SLC24A4: variants seen among roughly 807,000 people sequenced by gnomAD.
SLC24A4 encodes the protein solute carrier family 24 member 4.
Under a neutral mutation model 79.0 loss-of-function variants are expected in SLC24A4, and 53 were observed. The ratio of observed to expected loss-of-function variants is 0.67; its 90% CI spans 0.54 to 0.84. The LOEUF (loss-of-function observed/expected upper bound fraction) is 0.84, where lower values mean the gene tolerates loss of function less well. Among genes scored for constraint, SLC24A4 ranks in the 40% least tolerant of loss-of-function variants. The pLI is 0.00. For missense variants in SLC24A4, 731 were observed against 822.0 expected (o/e 0.89, Z 1.35); for synonymous variants, 323 against 323.8 (o/e 1.00, Z 0.03).
intron 2 of SLC24A4, among the ~76,000 whole-genome samples, chr14:92,342,328 T>C (rs1283517559): frequency 6.6e-6 from 1 of 151,972 alleles, no homozygotes; most frequent in Admixed American, 6.6e-5. Flanking sequence ...GGGGTCTCCA[T>C]TTCTGACATG....
chr14:92,480,915 T>C lies in SLC24A4; in HGVS notation c.1256-1765T>C, dbSNP rs75783358. Among the ~76,000 whole-genome samples, 20 of 152,332 alleles carry C rather than the reference T, an allele frequency of 1.3e-4. No individual in the cohort carries two copies. In the East Asian group the frequency reaches 3.9e-3, roughly 29 times the overall value. Reference sequence around the variant, plus strand: ...TTGTTTAGTGACTTTTCTAAACTAATTCTGTAAAATTCATATTCTTTGTTG... The same window carrying C: ...TTGTTTAGTGACTTTTCTAAACTAACTCTGTAAAATTCATATTCTTTGTTG... On this transcript the variant is annotated intron_variant, in intron 12 of 16. Coordinates refer to ENST00000532405, the MANE Select transcript of SLC24A4 (RefSeq NM_153646.4).
intron 2 of SLC24A4, among the ~76,000 whole-genome samples, chr14:92,348,453 C>T (rs779952489): frequency 2.0e-5 from 3 of 152,208 alleles, no homozygotes; most frequent in Non-Finnish European, 1.5e-5. Context: ...AGGGTGACTC[C>T]GACAATGAAT....
At chr14:92,482,319 CTCAAGGT>C (rs1895107937) in intron 12 of SLC24A4, among the ~76,000 whole-genome samples, 1 of 152,240 alleles carries the variant, frequency 6.6e-6, no homozygotes, top group African/African-American at 2.4e-5. Flanking sequence ...AGTTGGGATT[CTCAAGGT>C]CCTTTGACTT....
At chr14:92,457,656 T>C (rs1893559771) in intron 12 of SLC24A4, 1 of 152,590 alleles carries the variant, frequency 6.6e-6, no homozygotes, top group Non-Finnish European at 1.5e-5. Context: ...CGTCTTTAAC[T>C]AAGCCTTCCG....
At chr14:92,370,412 A>G (rs1415097696) in intron 2 of SLC24A4, among the ~76,000 whole-genome samples, 7 of 152,000 alleles carry the variant, frequency 4.6e-5, no homozygotes, top group African/African-American at 1.7e-4. Flanking sequence ...AGGCATTGCT[A>G]TTATTATTAT....
At chr14:92,405,852 C>T (rs540327300) in intron 2 of SLC24A4, among the ~76,000 whole-genome samples, 1 of 152,200 alleles carries the variant, frequency 6.6e-6, no homozygotes, top group East Asian at 1.9e-4. Context: ...CACCCTTGAC[C>T]CCTCCCAAAT....
chr14:92,412,945 G>A (rs1021120914), intron 2 of SLC24A4, among the ~76,000 whole-genome samples: 1 of 152,224 alleles, frequency 6.6e-6, no homozygotes, highest in African/African-American at 2.4e-5. Flanking sequence ...ACATGAGAAT[G>A]ACAGAGAATT....
At chr14:92,329,080 G>A (rs1247298816) in intron 2 of SLC24A4, among the ~76,000 whole-genome samples, 1 of 152,212 alleles carries the variant, frequency 6.6e-6, no homozygotes, top group East Asian at 1.9e-4. Context: ...ATAAAGAATT[G>A]CAGGCTATCT....
intron 14 of SLC24A4, among the ~76,000 whole-genome samples, chr14:92,488,924 G>A (rs1185087677): frequency 6.6e-6 from 1 of 152,162 alleles, no homozygotes; most frequent in East Asian, 1.9e-4. Flanking sequence ...GAAGTTTAAG[G>A]GCTTGCAGGA....
chr14:92,353,113 C>G lies in SLC24A4; in HGVS notation c.241+27135C>G, dbSNP rs1886982630. Among the ~76,000 whole-genome samples, 1 of 152,230 alleles carries G rather than the reference C, an allele frequency of 6.6e-6. No homozygotes were observed. The highest frequency in any genetic ancestry group is 2.4e-5 in the African/African-American group (1 of 41,468). On this transcript the variant is annotated intron_variant, in intron 2 of 16. Transcript: ENST00000532405. This position sits in a 1 kb window ranked among gnomAD's most constrained non-coding sequence, Gnocchi z 4.1. ...CCCACAGCTGCCCAAACCCCCTCCT[C>G]AAAGGCAACCCTTTAGCAGTTTGTG...
intron 8 of SLC24A4, among the ~76,000 whole-genome samples, chr14:92,445,744 C>G (rs556962437): frequency 6.6e-6 from 1 of 152,208 alleles, no homozygotes; most frequent in Non-Finnish European, 1.5e-5. Flanking sequence ...TGGGAATCCA[C>G]ACAGAACAAC....
At chr14:92,422,839 A>C (rs1183629676) in intron 2 of SLC24A4, among the ~76,000 whole-genome samples, 1 of 152,218 alleles carries the variant, frequency 6.6e-6, no homozygotes, top group African/African-American at 2.4e-5. Context: ...TTATTGCGAC[A>C]GGGTCTCACT....
intron 2 of SLC24A4, among the ~76,000 whole-genome samples, chr14:92,376,833 A>G (rs1888533821): frequency 6.6e-6 from 1 of 152,174 alleles, no homozygotes; most frequent in African/African-American, 2.4e-5. Context: ...ACCTGGGGCA[A>G]GGCAGGGGGG....
chr14:92,452,017 C>G (rs7142789), intron 10 of SLC24A4: 83,527 of 152,192 alleles, frequency 0.55, 23,273 homozygotes, highest in African/African-American at 0.61. Context: ...CCAGGACAAG[C>G]TGTCCCGGGA....
chr14:92,464,091 G>A (rs1354284293), intron 12 of SLC24A4, among the ~76,000 whole-genome samples: 1 of 152,010 alleles, frequency 6.6e-6, no homozygotes, highest in Non-Finnish European at 1.5e-5. Context: ...GCTATGAGTG[G>A]GTTTTTTAAG....
intron 11 of SLC24A4, among the ~76,000 whole-genome samples, chr14:92,455,558 C>G (rs1283626180): frequency 1.3e-5 from 2 of 152,134 alleles, no homozygotes; most frequent in African/African-American, 4.8e-5. Flanking sequence ...TCAGGAAAAA[C>G]TAATCAATGT....
intron 5 of SLC24A4, 101 bp from the exon 6 acceptor site, chr14:92,442,612 G>A (rs1232841121): frequency 1.9e-5 from 15 of 806,872 alleles, no homozygotes; most frequent in Non-Finnish European, 2.7e-5. Flanking sequence ...TGCTCTGTTT[G>A]TTAGTAAAGC....
chr14:92,378,644 T>A (rs757582682), intron 2 of SLC24A4, among the ~76,000 whole-genome samples: 15 of 152,262 alleles, frequency 9.9e-5, no homozygotes, highest in Admixed American at 2.6e-4. Context: ...TGTCTCCTTA[T>A]CCACTGTGCA....
Position 92,378,396 on chromosome 14 carries a change from G to T in SLC24A4, c.241+52418G>T, listed in dbSNP as rs141633245. 2.6e-5 allele frequency among the ~76,000 whole-genome samples: 4 copies of T among 152,304 alleles called. No individual in the cohort carries two copies. The East Asian group carries it at 7.7e-4, about 29-fold the overall frequency. On this transcript the variant is annotated intron_variant, in intron 2 of 16. Coordinates refer to ENST00000532405, the MANE Select transcript of SLC24A4 (RefSeq NM_153646.4). ...AGTGGACCACTTTACACTCCCACCAGAATGTATGGGGTTCTCATCACTTTG... is the reference window on the plus strand; with the variant it reads ...AGTGGACCACTTTACACTCCCACCATAATGTATGGGGTTCTCATCACTTTG...
Sources: gnomAD v4.1 joint callset for allele counts (sites outside exome capture counted in the v4.1 genomes callset) on GRCh38, gnomAD v4.1.1 for gene constraint, Gnocchi (gnomAD v3.1) non-coding constraint, MANE v1.5 for transcripts, NCBI Gene and HGNC (gene_info 2026-07-23, HGNC 2026-07-21) for gene names.